CDH18: variants seen among roughly 807,000 people sequenced by gnomAD.
CDH18 encodes cadherin 18, also known as cadherin-18.
CDH18 carries 31 observed loss-of-function variants against 67.9 expected under a neutral mutation model. That is an observed-to-expected ratio of 0.46 (90% CI 0.34 to 0.62). The LOEUF (loss-of-function observed/expected upper bound fraction) is 0.62, where lower values mean the gene tolerates loss of function less well. Ranked by LOEUF, CDH18 falls within the 20% of genes least tolerant of loss-of-function variation. The probability of loss-of-function intolerance (pLI) is 0.01; values close to 1 mark genes in which losing one functional copy is unlikely to be tolerated. For missense variants in CDH18, 890 were observed against 975.5 expected, an observed-to-expected ratio of 0.91 and a Z score of 1.17; for synonymous variants, 362 against 347.2, an observed-to-expected ratio of 1.04 and a Z score of -0.48.
chr5:20,552,655 A>C (rs1373623162), intron 1 of CDH18, among the ~76,000 whole-genome samples: 1 of 152,226 alleles, frequency 6.6e-6, no homozygotes, highest in East Asian at 1.9e-4. Flanking sequence ...AATAAGAAAA[A>C]TGTCTTTCAG....
intron 2 of CDH18, among the ~76,000 whole-genome samples, chr5:20,060,217 C>T (rs1016635232): frequency 6.6e-6 from 1 of 152,088 alleles, no homozygotes; most frequent in East Asian, 1.9e-4. Flanking sequence ...GTAATCCCAG[C>T]ACCTTGGGAG....
intron 2 of CDH18, among the ~76,000 whole-genome samples, chr5:20,156,837 T>C (rs777543773): frequency 5.9e-5 from 9 of 152,150 alleles, no homozygotes; most frequent in Non-Finnish European, 1.2e-4. Flanking sequence ...AAACAAACAA[T>C]AAAACTTGTT....
intron 5 of CDH18, among the ~76,000 whole-genome samples, chr5:19,650,786 A>T (rs907154624): frequency 4.6e-5 from 7 of 152,040 alleles, no homozygotes; most frequent in African/African-American, 1.7e-4. Flanking sequence ...AGTAATCACA[A>T]ATGTACTAGG....
chr5:19,777,244 C>T (rs1471915027), intron 3 of CDH18, among the ~76,000 whole-genome samples: 1 of 152,190 alleles, frequency 6.6e-6, no homozygotes, highest in Non-Finnish European at 1.5e-5. Flanking sequence ...CGCATCATTC[C>T]ACTCCAGCCT....
intron 2 of CDH18, among the ~76,000 whole-genome samples, chr5:20,224,631 C>A (rs1375439591): frequency 1.3e-5 from 2 of 151,586 alleles, no homozygotes; most frequent in Non-Finnish European, 2.9e-5. Context: ...GCTATATTTG[C>A]CTGCCTTTTG....
intron 8 of CDH18, among the ~76,000 whole-genome samples, chr5:19,554,478 A>T (rs1007287724): frequency 5.9e-5 from 9 of 151,860 alleles, no homozygotes; most frequent in African/African-American, 2.2e-4. Flanking sequence ...TGAACTCTGG[A>T]GGAGGTGGTT....
At chr5:20,013,438 T>TTGAC (rs994972824) in intron 2 of CDH18, among the ~76,000 whole-genome samples, 84 of 152,234 alleles carry the variant, frequency 5.5e-4, no homozygotes, top group African/African-American at 1.9e-3. Flanking sequence ...AAAATAGGGC[T>TTGAC]TGACTTATGA....
At chr5:19,479,353 T>A (rs904381110) in intron 12 of CDH18, among the ~76,000 whole-genome samples, 1 of 152,148 alleles carries the variant, frequency 6.6e-6, no homozygotes, top group African/African-American at 2.4e-5. Flanking sequence ...AAAATAAAGT[T>A]TTGCTACATT....
intron 2 of CDH18, among the ~76,000 whole-genome samples, chr5:20,022,265 AC>A (rs1210433672): frequency 1.3e-5 from 2 of 152,206 alleles, no homozygotes; most frequent in African/African-American, 4.8e-5. Context: ...GTCTAGTCTT[AC>A]TGAAATCATC....
intron 3 of CDH18, among the ~76,000 whole-genome samples, chr5:19,751,728 T>A (rs1034839477): frequency 6.6e-6 from 1 of 152,224 alleles, no homozygotes; most frequent in Non-Finnish European, 1.5e-5. Flanking sequence ...GGACATGTAT[T>A]AACCATAATT....
intron 2 of CDH18, among the ~76,000 whole-genome samples, chr5:19,899,500 C>T (rs190659611): frequency 1.2e-3 from 181 of 152,104 alleles, no homozygotes; most frequent in African/African-American, 4.1e-3. Context: ...GTGTAAACTG[C>T]TGGTGGGAAT....
chr5:20,369,417 T>C (rs1267981055), intron 1 of CDH18, among the ~76,000 whole-genome samples: 1 of 152,184 alleles, frequency 6.6e-6, no homozygotes, highest in Non-Finnish European at 1.5e-5. Context: ...AAAAGGACAA[T>C]TCACTTGACA....
chr5:20,231,331 C>T (rs1180969250), intron 2 of CDH18, among the ~76,000 whole-genome samples: 3 of 152,004 alleles, frequency 2.0e-5, no homozygotes, highest in African/African-American at 4.8e-5. Context: ...TAATATCGGC[C>T]GGGCACATTG....
At chr5:19,616,449 G>A (rs995256977) in intron 5 of CDH18, among the ~76,000 whole-genome samples, 8 of 152,058 alleles carry the variant, frequency 5.3e-5, no homozygotes, top group African/African-American at 1.9e-4. Flanking sequence ...ATTTTCTCAG[G>A]AAATTTTCAG....
chr5:19,505,432 C>T (rs951912015), intron 10 of CDH18, among the ~76,000 whole-genome samples: 11 of 152,098 alleles, frequency 7.2e-5, no homozygotes, highest in African/African-American at 2.2e-4. Context: ...TTTGCCCATT[C>T]AGTATGAGAT....
chr5:19,479,709 C>T (rs1269203844), intron 12 of CDH18, among the ~76,000 whole-genome samples: 7 of 152,136 alleles, frequency 4.6e-5, no homozygotes, highest in East Asian at 3.9e-4. Flanking sequence ...GCCTCACTTA[C>T]GGTGGCCTCA....
At chr5:20,167,733 T>C (rs1179147674) in intron 2 of CDH18, among the ~76,000 whole-genome samples, 1 of 152,106 alleles carries the variant, frequency 6.6e-6, no homozygotes, top group African/African-American at 2.4e-5. Flanking sequence ...GTGGAGAAAG[T>C]AATACAATGA....
chr5:19,632,685 G>A (rs1408830200), intron 5 of CDH18, among the ~76,000 whole-genome samples: 1 of 152,140 alleles, frequency 6.6e-6, no homozygotes, highest in Admixed American at 6.5e-5. Context: ...ATATGTTAAA[G>A]TGCTTTTTGC....
chr5:20,401,393 G>C (rs551100242), intron 1 of CDH18, among the ~76,000 whole-genome samples: 5 of 152,160 alleles, frequency 3.3e-5, no homozygotes, highest in African/African-American at 1.2e-4. Flanking sequence ...TGAGAAAATG[G>C]TTAAAAAGTA....
Sources: allele counts gnomAD v4.1 joint callset (sites outside exome capture counted in the v4.1 genomes callset), GRCh38; gene constraint gnomAD v4.1.1; transcripts MANE v1.5; gene names NCBI Gene and HGNC (gene_info 2026-07-23, HGNC 2026-07-21).